The following KCNQ3 variants were observed in gnomAD, a reference collection of about 807,000 sequenced individuals.
KCNQ3 encodes potassium voltage-gated channel subfamily Q member 3.
Under a neutral mutation model 92.5 loss-of-function variants are expected in KCNQ3, and 30 were observed. The ratio of observed to expected loss-of-function variants is 0.32; its 90% CI spans 0.24 to 0.44. The LOEUF is 0.44. KCNQ3 is among the 20% of genes least tolerant of loss of function. The pLI is 1.00. For missense variants in KCNQ3, 913 were observed against 1,140.3 expected (o/e 0.80, Z 2.87); for synonymous variants, 450 against 468.8 (o/e 0.96, Z 0.52).
At chr8:132,258,980 T>C (rs546320460) in intron 1 of KCNQ3, among the ~76,000 whole-genome samples, 1 of 152,182 alleles carries the variant, frequency 6.6e-6, no homozygotes, top group South Asian at 2.1e-4. Flanking sequence ...TGAATAGACT[T>C]TAGCAAATAA....
intron 1 of KCNQ3, among the ~76,000 whole-genome samples, chr8:132,324,418 G>C (rs1817982706): frequency 6.6e-6 from 1 of 152,142 alleles, no homozygotes; most frequent in South Asian, 2.1e-4. Flanking sequence ...TGAATTAAGT[G>C]AAGAAATGTG....
intron 1 of KCNQ3, among the ~76,000 whole-genome samples, chr8:132,311,119 G>A (rs374881639): frequency 2.0e-5 from 3 of 151,930 alleles, no homozygotes; most frequent in South Asian, 2.1e-4. Context: ...TATTAGAGAC[G>A]GAGTTTTACC....
intron 1 of KCNQ3, among the ~76,000 whole-genome samples, chr8:132,419,036 T>C (rs1258598355): frequency 6.6e-6 from 1 of 152,048 alleles, no homozygotes; most frequent in African/African-American, 2.4e-5. Context: ...ATGTAAGTGA[T>C]CTCCAGCACA....
At chr8:132,339,888 T>G (rs1054189213) in intron 1 of KCNQ3, among the ~76,000 whole-genome samples, 1 of 150,920 alleles carries the variant, frequency 6.6e-6, no homozygotes, top group Non-Finnish European at 1.5e-5. Context: ...CCCAAACCTA[T>G]GAGGACATCC....
rs746592316 is a variant in KCNQ3 at position 132,480,381 on chromosome 8, T to C, written c.152A>G (p.Glu51Gly). ...GGCCCCGAGCGCCAAGGTGACTTGC[T>C]CCACGTCGCCGGGCGCCAGCCCCAC... ...RKVGLAPGDV[E>G]QVTLALGAGA... The change falls in exon 1 of 15, where the codon GAG becomes GGG. Residue 51 changes from glutamate (E) to glycine (G), a missense_variant. By Grantham distance (98) the Glu-to-Gly change is moderately conservative. Transcript: ENST00000388996. 6.4e-7 allele frequency: 1 copy of C among 1,564,224 alleles called. No individual in the cohort carries two copies. Among genetic ancestry groups the C allele is most frequent in the South Asian group, 1.2e-5 (1 of 86,512 alleles).
chr8:132,224,409 G>A (rs1313506183), intron 1 of KCNQ3, among the ~76,000 whole-genome samples: 1 of 151,998 alleles, frequency 6.6e-6, no homozygotes, highest in African/African-American at 2.4e-5. Flanking sequence ...GCCTCCTGGT[G>A]GTGGAAGCAC....
chr8:132,433,998 G>A (rs1480764355), intron 1 of KCNQ3, among the ~76,000 whole-genome samples: 1 of 152,094 alleles, frequency 6.6e-6, no homozygotes, highest in Non-Finnish European at 1.5e-5. Flanking sequence ...CACGAGGTCA[G>A]GAGATCGAGA....
intron 1 of KCNQ3, among the ~76,000 whole-genome samples, chr8:132,343,686 G>A (rs911945060): frequency 1.3e-5 from 2 of 152,070 alleles, no homozygotes; most frequent in Admixed American, 1.3e-4. Flanking sequence ...TTGTTTTCCA[G>A]CTACTCCTAC....
At chr8:132,350,191 G>A (rs985306289) in intron 1 of KCNQ3, among the ~76,000 whole-genome samples, 1 of 152,144 alleles carries the variant, frequency 6.6e-6, no homozygotes, top group Non-Finnish European at 1.5e-5. Flanking sequence ...AGTTCAGAAC[G>A]TGTAATATCT....
At chr8:132,319,912 C>G (rs1256886531) in intron 1 of KCNQ3, among the ~76,000 whole-genome samples, 2 of 152,234 alleles carry the variant, frequency 1.3e-5, no homozygotes, top group Non-Finnish European at 1.5e-5. Flanking sequence ...ACCTTCTCAG[C>G]TCCCCAGATG....
intron 1 of KCNQ3, among the ~76,000 whole-genome samples, chr8:132,456,903 G>A (rs1037491876): frequency 7.9e-5 from 12 of 152,170 alleles, no homozygotes; most frequent in Non-Finnish European, 1.6e-4. Context: ...ATAAGCCACC[G>A]CGCCTGGCTG....
At chr8:132,309,709 G>T (rs564873466) in intron 1 of KCNQ3, among the ~76,000 whole-genome samples, 1 of 152,306 alleles carries the variant, frequency 6.6e-6, no homozygotes, top group South Asian at 2.1e-4. Flanking sequence ...CACCAACACA[G>T]AACTGGGTTG....
chr8:132,406,447 G>T (rs1309618299), intron 1 of KCNQ3, among the ~76,000 whole-genome samples: 1 of 152,116 alleles, frequency 6.6e-6, no homozygotes, highest in Non-Finnish European at 1.5e-5. Context: ...TGGACATGAA[G>T]ATTTGGTTCT....
chr8:132,301,165 T>C (rs1323971196), intron 1 of KCNQ3, among the ~76,000 whole-genome samples: 1 of 152,184 alleles, frequency 6.6e-6, no homozygotes, highest in African/African-American at 2.4e-5. Flanking sequence ...ACAGATTTCC[T>C]TCTCAAGAAT....
intron 1 of KCNQ3, chr8:132,447,283 T>C (rs917332388): frequency 1.3e-6 from 2 of 1,532,602 alleles, no homozygotes; most frequent in African/African-American, 2.7e-5. Context: ...CAGCTAGAAA[T>C]AACCCTAAAG....
intron 1 of KCNQ3, among the ~76,000 whole-genome samples, chr8:132,261,881 A>G (rs1815799480): frequency 1.3e-5 from 2 of 152,206 alleles, no homozygotes; most frequent in South Asian, 4.1e-4. Context: ...CTTTGGGCAC[A>G]AAGTTTAAGA....
chr8:132,226,858 G>T lies in KCNQ3; in HGVS notation c.387-40677C>A, dbSNP rs577397248. ...TCTCTGAGGGATAAAAACAAGAAAT[G>T]ACACTCATATAAAGGTTTAGAAATA... On this transcript the variant is annotated intron_variant, in intron 1 of 14. Transcript: ENST00000388996. Among the ~76,000 whole-genome samples, 14 of 152,214 alleles carry T rather than the reference G, an allele frequency of 9.2e-5. No individual in the cohort carries two copies. In the South Asian group the frequency reaches 2.9e-3, roughly 32 times the overall value.
At chr8:132,399,508 A>G (rs1308092745) in intron 1 of KCNQ3, among the ~76,000 whole-genome samples, 2 of 152,154 alleles carry the variant, frequency 1.3e-5, no homozygotes, top group Non-Finnish European at 2.9e-5. Context: ...GAGAAGAGGG[A>G]AAAAGCGCCC....
chr8:132,382,871 A>T (rs1231885647), intron 1 of KCNQ3, among the ~76,000 whole-genome samples: 5 of 152,136 alleles, frequency 3.3e-5, no homozygotes, highest in Non-Finnish European at 7.4e-5. Context: ...AGCTCTGTTC[A>T]TTTGGCTAAG....
Sources: gnomAD v4.1 joint callset for allele counts (sites outside exome capture counted in the v4.1 genomes callset) on GRCh38, gnomAD v4.1.1 for gene constraint, MANE v1.5 for transcripts, NCBI Gene and HGNC (gene_info 2026-07-23, HGNC 2026-07-21) for gene names.